LRP2: variants seen among roughly 807,000 people sequenced by gnomAD.
LRP2 encodes low-density lipoprotein receptor-related protein 2.
LRP2 carries 172 observed loss-of-function variants against 531.0 expected under a neutral mutation model. The observed-to-expected ratio is 0.32, with a 90% confidence interval of 0.29 to 0.37. The LOEUF is 0.37. LRP2 is among the 10% of genes least tolerant of loss of function. LRP2 has a pLI of 1.00. For missense variants in LRP2, 5,167 were observed against 5,868.3 expected, an observed-to-expected ratio of 0.88 and a Z score of 3.90; for synonymous variants, 1,992 against 2,027.6, an observed-to-expected ratio of 0.98 and a Z score of 0.47.
At chr2:169,339,914 A>G (rs1300791278) in intron 1 of LRP2, among the ~76,000 whole-genome samples, 1 of 152,224 alleles carries the variant, frequency 6.6e-6, no homozygotes, top group Non-Finnish European at 1.5e-5. Context: ...ATATGAAGTA[A>G]CCAGAGAATA....
At chr2:169,128,988 G>A in intron 78 of LRP2, 25 bp downstream of exon 78, 2 of 1,578,818 alleles carry the variant, frequency 1.3e-6, no homozygotes, top group Non-Finnish European at 1.7e-6. Flanking sequence ...AAATGTCTGT[G>A]CTAAGAAAAA....
chr2:169,243,523 C>G lies in LRP2; in HGVS notation c.3431-1G>C. 1 of 1,614,074 alleles carries G rather than the reference C, an allele frequency of 6.2e-7. No individual in the cohort carries two copies. Among genetic ancestry groups the G allele is most frequent in the South Asian group, 1.1e-5 (1 of 91,074 alleles). On this transcript the variant is annotated splice_acceptor_variant, in intron 22 of 78. Coordinates refer to ENST00000649046, the MANE Select transcript of LRP2 (RefSeq NM_004525.3). LOFTEE classifies it high-confidence loss of function. ...CTAGGTTGGCATGTCTCTGTCGAAT[C>G]TAATGTCATCCGAAAACAAAACCAA...
intron 1 of LRP2, among the ~76,000 whole-genome samples, chr2:169,349,713 C>T (rs958521446): frequency 6.6e-6 from 1 of 152,206 alleles, no homozygotes; most frequent in African/African-American, 2.4e-5. Context: ...AAGGCCATTT[C>T]AGCCTGACAT....
intron 1 of LRP2, among the ~76,000 whole-genome samples, chr2:169,334,526 T>C (rs1301471490): frequency 6.6e-6 from 1 of 152,130 alleles, no homozygotes; most frequent in Admixed American, 6.5e-5. Context: ...TTATAATAAT[T>C]AAGTAAAATT....
intron 59 of LRP2, 42 bp downstream of exon 59, chr2:169,170,507 TCA>T: frequency 6.8e-7 from 1 of 1,480,032 alleles, no homozygotes; most frequent in Non-Finnish European, 9.5e-7. Flanking sequence ...CCCTACACTG[TCA>T]CAGTACAAAA....
At chr2:169,175,063 G>C (rs1332100830) in intron 55 of LRP2, 130 bp downstream of exon 55, 8 of 801,554 alleles carry the variant, frequency 1.0e-5, no homozygotes, top group Non-Finnish European at 1.6e-5. Context: ...AAAAAGGATG[G>C]AGCCTGAGTT....
At chr2:169,139,854 G>A (rs1262593487) in intron 72 of LRP2, among the ~76,000 whole-genome samples, 1 of 152,182 alleles carries the variant, frequency 6.6e-6, no homozygotes, top group Non-Finnish European at 1.5e-5. Context: ...GTCTGGCCAC[G>A]AAAACCTATT....
At chr2:169,181,702 A>G in intron 51 of LRP2, 84 bp from the exon 52 acceptor site, 1 of 1,231,294 alleles carries the variant, frequency 8.1e-7, no homozygotes, top group Non-Finnish European at 1.2e-6. Context: ...CATTTAGAGA[A>G]ATGGAGTCTG....
At chr2:169,327,486 G>C in intron 1 of LRP2, among the ~76,000 whole-genome samples, 1 of 120,728 alleles carries the variant, frequency 8.3e-6, no homozygotes, top group African/African-American at 3.3e-5. Flanking sequence ...GGAGGGAGGT[G>C]GGGGGGTCAG....
chr2:169,151,164 T>C, intron 67 of LRP2, 138 bp from the exon 68 acceptor site: 1 of 902,080 alleles, frequency 1.1e-6, no homozygotes, highest in South Asian at 1.3e-5. Flanking sequence ...ATAGTCCCCC[T>C]CTCTTGGGGG....
intron 3 of LRP2, among the ~76,000 whole-genome samples, chr2:169,308,548 G>A (rs977033576): frequency 3.9e-5 from 6 of 152,108 alleles, no homozygotes; most frequent in African/African-American, 1.4e-4. Flanking sequence ...CAAAGGACAG[G>A]AACTCATCCT....
At chr2:169,132,315 G>C (rs534502162) in intron 77 of LRP2, among the ~76,000 whole-genome samples, 39 of 152,274 alleles carry the variant, frequency 2.6e-4, no homozygotes, top group African/African-American at 6.5e-4. Flanking sequence ...GGATCCAGAA[G>C]TCTATTTGTT....
chr2:169,157,957 T>TAAATAAATAAATAAATAAATAAAA (rs568534822), intron 63 of LRP2, among the ~76,000 whole-genome samples: 4 of 145,974 alleles, frequency 2.7e-5, no homozygotes, highest in South Asian at 2.1e-4. Context: ...AATAAATAAA[T>TAAATAAATAAATAAATAAATAAAA]AAAAGACATG....
At chr2:169,128,986 G>T in intron 78 of LRP2, 27 bp downstream of exon 78, 1 of 1,574,478 alleles carries the variant, frequency 6.4e-7, no homozygotes, top group African/African-American at 1.3e-5. Context: ...AAAAATGTCT[G>T]TGCTAAGAAA....
chr2:169,292,493 A>G (rs896198073), intron 6 of LRP2, 124 bp from the exon 7 acceptor site: 4 of 711,996 alleles, frequency 5.6e-6, no homozygotes, highest in Non-Finnish European at 1.0e-5. Context: ...TTAATCCCTT[A>G]GACATCTTGA....
intron 21 of LRP2, 49 bp downstream of exon 21, chr2:169,246,656 C>T: frequency 1.2e-6 from 2 of 1,601,862 alleles, no homozygotes. Context: ...TTAAAGCCCA[C>T]CTCTACTCTA....
chr2:169,303,983 C>T (rs888265167), intron 4 of LRP2, among the ~76,000 whole-genome samples: 3 of 152,172 alleles, frequency 2.0e-5, no homozygotes, highest in African/African-American at 7.2e-5. Context: ...ATTTCCTCTG[C>T]TTCGTTCCCT....
At position 169,128,256 on chromosome 2, in the gene LRP2, A is replaced by T. The variant is rs145253443; in HGVS notation, c.*407T>A. 7.2e-3 allele frequency: 1,307 copies of T among 182,330 alleles called. 9 individuals carry two copies. Among genetic ancestry groups the T allele is most frequent in the Non-Finnish European group, 0.011 (941 of 86,480 alleles). The allele number at this position is 182,330 out of a possible 1,614,324, so 11.3% of individuals were successfully genotyped here. On this transcript the variant is annotated 3_prime_UTR_variant, in exon 79 of 79. Transcript: ENST00000649046. ...TCCTTTCCTAGATAATTTTATAGGA[A>T]ATATGAGTGGTGCCTCTTCTTTAGA... is the stretch of plus-strand genomic sequence containing the variant.
intron 25 of LRP2, among the ~76,000 whole-genome samples, chr2:169,240,092 G>A (rs1345351348): frequency 6.7e-6 from 1 of 148,616 alleles, no homozygotes; most frequent in Non-Finnish European, 1.5e-5. Context: ...AAGTGTCATT[G>A]ATAGAGCATG....
Sources: gnomAD v4.1 joint callset for allele counts (sites outside exome capture counted in the v4.1 genomes callset) on GRCh38, gnomAD v4.1.1 for gene constraint, MANE v1.5 for transcripts, NCBI Gene and HGNC (gene_info 2026-07-23, HGNC 2026-07-21) for gene names.